Variants in POLA1 observed in about 807,000 individuals in gnomAD.
The protein encoded by POLA1 is DNA polymerase alpha catalytic subunit.
In POLA1, 15 loss-of-function variants were observed where a neutral mutation model predicts 124.0. That is an observed-to-expected ratio of 0.12 (90% confidence interval 0.08 to 0.19). The LOEUF is 0.19. Ranked by LOEUF, POLA1 falls within the 10% of genes least tolerant of loss-of-function variation. The probability of loss-of-function intolerance (pLI) is 1.00; values close to 1 mark genes in which losing one functional copy is unlikely to be tolerated. For synonymous variants in POLA1, 408 were observed against 389.4 expected (o/e 1.05, Z -0.56); for missense variants, 886 against 1,103.4 (o/e 0.80, Z 2.79).
At chrX:24,711,889 C>T (rs1929472693) in intron 4 of POLA1, among the ~76,000 whole-genome samples, 1 of 111,642 alleles carries the variant, frequency 9.0e-6, no homozygotes, top group East Asian at 2.9e-4. Flanking sequence ...TGAGCCACCA[C>T]GCCCAGCCCA....
At chrX:24,883,092 C>T (rs966908202) in intron 34 of POLA1, among the ~76,000 whole-genome samples, 27 of 111,829 alleles carry the variant, frequency 2.4e-4, no homozygotes, top group African/African-American at 8.5e-4. Context: ...TTGCATCTCT[C>T]TGATGATTAG....
At chrX:24,961,147 C>T (rs2048163663) in intron 36 of POLA1, among the ~76,000 whole-genome samples, 1 of 111,030 alleles carries the variant, frequency 9.0e-6, no homozygotes, top group Non-Finnish European at 1.9e-5. Flanking sequence ...AAGATGCACT[C>T]CTGCACAACT....
At chrX:24,723,827 C>G (rs1451155666) in intron 11 of POLA1, among the ~76,000 whole-genome samples, 1 of 112,140 alleles carries the variant, frequency 8.9e-6, no homozygotes, top group African/African-American at 3.2e-5. Context: ...ATTACAGGCG[C>G]CTGCCACCAC....
chrX:24,783,260 C>T (rs1409155321), intron 26 of POLA1, among the ~76,000 whole-genome samples: 1 of 111,732 alleles, frequency 8.9e-6, no homozygotes, highest in African/African-American at 3.3e-5. Context: ...GGTCAGCCAG[C>T]AAAGCCTTGG....
At chrX:24,905,832 G>C (rs1166258319) in intron 35 of POLA1, among the ~76,000 whole-genome samples, 1 of 111,842 alleles carries the variant, frequency 8.9e-6, no homozygotes, top group African/African-American at 3.3e-5. Flanking sequence ...CAAAGTGCTA[G>C]GATTACAGGC....
At chrX:24,767,745 T>C (rs1602356832) in intron 26 of POLA1, among the ~76,000 whole-genome samples, 2 of 111,933 alleles carry the variant, frequency 1.8e-5, no homozygotes, top group East Asian at 5.6e-4. Flanking sequence ...TAGTCATTTC[T>C]TAGTATCCTG....
chrX:24,994,248 A>T (rs1326225996), intron 36 of POLA1, among the ~76,000 whole-genome samples: 1 of 112,512 alleles, frequency 8.9e-6, no homozygotes, highest in Admixed American at 9.3e-5. Flanking sequence ...GGGCATTTTA[A>T]TTCTCTATAA....
intron 34 of POLA1, among the ~76,000 whole-genome samples, chrX:24,877,917 T>G (rs1475360200): frequency 1.3e-3 from 8 of 6,078 alleles, no homozygotes; most frequent in African/African-American, 9.8e-3. Context: ...TTTTTTTTGT[T>G]TTTTTTTTTG....
intron 26 of POLA1, among the ~76,000 whole-genome samples, chrX:24,765,887 C>CT (rs1932894144): frequency 8.9e-6 from 1 of 111,797 alleles, no homozygotes; most frequent in African/African-American, 3.3e-5. Context: ...TGATATGTAT[C>CT]TTTCCTTTTT....
chrX:24,909,548 A>G (rs1398792819), intron 35 of POLA1, among the ~76,000 whole-genome samples: 1 of 110,244 alleles, frequency 9.1e-6, no homozygotes, highest in African/African-American at 3.3e-5. Flanking sequence ...ATAGTTGTAG[A>G]TATGTGGCAT....
At chrX:24,865,194 A>G (rs901758939) in intron 34 of POLA1, among the ~76,000 whole-genome samples, 2 of 112,370 alleles carry the variant, frequency 1.8e-5, no homozygotes, top group African/African-American at 6.5e-5. Context: ...AGTTCAAAAA[A>G]CAGAATAGGT....
At chrX:24,748,508 C>T in intron 25 of POLA1, 48 bp downstream of exon 25, 5 of 1,031,164 alleles carry the variant, frequency 4.8e-6, no homozygotes, top group East Asian at 3.1e-5. Context: ...TCAGCTTTTA[C>T]AGTTTGATTA....
chrX:24,956,838 C>G (rs946652543), intron 36 of POLA1, among the ~76,000 whole-genome samples: 1 of 111,868 alleles, frequency 8.9e-6, no homozygotes. Flanking sequence ...TGTTACATAC[C>G]TACAAAAGGC....
intron 4 of POLA1, among the ~76,000 whole-genome samples, chrX:24,709,190 G>A (rs1201225899): frequency 6.6e-5 from 5 of 75,275 alleles, no homozygotes; most frequent in African/African-American, 1.0e-4. Flanking sequence ...GCCGGGCAGG[G>A]GGGCTGACCC....
chrX:24,835,622 T>C (rs1330786167), intron 32 of POLA1, among the ~76,000 whole-genome samples: 3 of 110,679 alleles, frequency 2.7e-5, no homozygotes, highest in Non-Finnish European at 3.8e-5. Flanking sequence ...CTTTTTGTCC[T>C]ATAGAATTTT....
chrX:24,981,079 C>T (rs1211499071), intron 36 of POLA1, among the ~76,000 whole-genome samples: 2 of 112,378 alleles, frequency 1.8e-5, no homozygotes, highest in Non-Finnish European at 3.8e-5. Flanking sequence ...CTTCCCTTCA[C>T]TTGATGGATC....
intron 26 of POLA1, among the ~76,000 whole-genome samples, chrX:24,779,653 A>G (rs746814687): frequency 8.9e-6 from 1 of 112,079 alleles, no homozygotes; most frequent in East Asian, 2.8e-4. Flanking sequence ...GATTTAATGC[A>G]TAATAGCTCA....
chrX:24,800,616 A>G (rs1009864380), intron 26 of POLA1, among the ~76,000 whole-genome samples: 2 of 111,961 alleles, frequency 1.8e-5, no homozygotes, highest in African/African-American at 6.5e-5. Context: ...AGTGAAACAT[A>G]TAGGACATGA....
At chrX:24,875,231 C>G (rs748097624) in intron 34 of POLA1, among the ~76,000 whole-genome samples, 3 of 111,091 alleles carry the variant, frequency 2.7e-5, no homozygotes, top group Non-Finnish European at 3.8e-5. Flanking sequence ...TGAAGAAATT[C>G]CAGGTAGATT....
Sources: allele counts gnomAD v4.1 joint callset (sites outside exome capture counted in the v4.1 genomes callset), GRCh38; gene constraint gnomAD v4.1.1; transcripts MANE v1.5; gene names NCBI Gene and HGNC (gene_info 2026-07-23, HGNC 2026-07-21).